The following ROBO2 variants were observed in gnomAD, a reference collection of about 807,000 sequenced individuals.
The protein encoded by ROBO2 is roundabout guidance receptor 2, also known as roundabout homolog 2.
Under a neutral mutation model 160.8 loss-of-function variants are expected in ROBO2, and 53 were observed. The observed-to-expected ratio is 0.33, with a 90% confidence interval of 0.26 to 0.41. ROBO2 has a LOEUF of 0.41. Among genes scored for constraint, ROBO2 ranks in the 10% least tolerant of loss-of-function variants. ROBO2 has a pLI of 1.00. For missense variants in ROBO2, 1,577 were observed against 1,722.4 expected (o/e 0.92, Z 1.49); for synonymous variants, 664 against 611.7 (o/e 1.09, Z -1.26).
intron 23 of ROBO2, among the ~76,000 whole-genome samples, chr3:77,628,571 A>T (rs1250498461): frequency 6.6e-6 from 1 of 152,060 alleles, no homozygotes; most frequent in African/African-American, 2.4e-5. Context: ...CATTTTAGCC[A>T]TTTTACAGAA....
intron 2 of ROBO2, among the ~76,000 whole-genome samples, chr3:77,286,150 A>G (rs552148663): frequency 3.3e-5 from 5 of 151,912 alleles, no homozygotes; most frequent in Admixed American, 2.0e-4. Flanking sequence ...CTTATACTCT[A>G]TTTCCATAAG....
chr3:77,145,116 A>G (rs2150470670), intron 2 of ROBO2, among the ~76,000 whole-genome samples: 1 of 152,302 alleles, frequency 6.6e-6, no homozygotes, highest in East Asian at 1.9e-4. Flanking sequence ...CCTGGTTTAC[A>G]GTTCAGAGTC....
chr3:76,489,767 A>G (rs765984769), intron 2 of ROBO2, among the ~76,000 whole-genome samples: 1 of 152,060 alleles, frequency 6.6e-6, no homozygotes, highest in Non-Finnish European at 1.5e-5. Context: ...AAAGTACATA[A>G]AGATATATGG....
intron 2 of ROBO2, among the ~76,000 whole-genome samples, chr3:76,075,984 ATTAC>A (rs150891398): frequency 0.028 from 4,211 of 152,304 alleles, 218 homozygotes; most frequent in African/African-American, 0.095. Flanking sequence ...CAAATTCTTT[ATTAC>A]TTAAGACATT....
At chr3:76,080,074 T>C (rs2068772527) in intron 2 of ROBO2, among the ~76,000 whole-genome samples, 1 of 152,152 alleles carries the variant, frequency 6.6e-6, no homozygotes, top group African/African-American at 2.4e-5. Context: ...GACACACTGA[T>C]TTCTCATGTT....
chr3:76,311,705 G>T (rs981977664), intron 2 of ROBO2, among the ~76,000 whole-genome samples: 2 of 152,172 alleles, frequency 1.3e-5, no homozygotes, highest in African/African-American at 4.8e-5. Flanking sequence ...AAGAATATAT[G>T]TGTTTTCCTT....
At chr3:77,544,546 A>C (rs2092619541) in intron 6 of ROBO2, among the ~76,000 whole-genome samples, 1 of 152,090 alleles carries the variant, frequency 6.6e-6, no homozygotes, top group African/African-American at 2.4e-5. Flanking sequence ...ATCCCAGGGA[A>C]TTGTCTGGAA....
intron 2 of ROBO2, among the ~76,000 whole-genome samples, chr3:76,933,583 A>T (rs1469578914): frequency 6.6e-6 from 1 of 152,184 alleles, no homozygotes; most frequent in East Asian, 1.9e-4. Flanking sequence ...CCTAATTTTC[A>T]TTAAATTTCA....
rs558157451 is a variant in ROBO2 at position 76,100,506 on chromosome 3, T to C, written c.109+162904T>C. On this transcript the variant is annotated intron_variant, in intron 2 of 26. Transcript: ENST00000487694. ...CTTTTGTTCATACAAAGATAGTAAATTTTACTTAAAAAGTATCATATTGAA... is the reference window on the plus strand; with the variant it reads ...CTTTTGTTCATACAAAGATAGTAAACTTTACTTAAAAAGTATCATATTGAA... Among the ~76,000 whole-genome samples the C allele has an allele frequency of 2.6e-5, 4 of 152,318 alleles. No individual in the cohort carries two copies. In the South Asian group the frequency reaches 8.3e-4, roughly 32 times the overall value.
chr3:76,137,256 T>G (rs537995895), intron 2 of ROBO2, among the ~76,000 whole-genome samples: 49 of 152,122 alleles, frequency 3.2e-4, no homozygotes, highest in Middle Eastern at 3.4e-3. Flanking sequence ...TGTATCGACT[T>G]TGGAAACAAA....
chr3:75,944,115 T>A (rs1459833020), intron 2 of ROBO2, among the ~76,000 whole-genome samples: 1 of 152,170 alleles, frequency 6.6e-6, no homozygotes, highest in Non-Finnish European at 1.5e-5. Flanking sequence ...AGGAATAGAA[T>A]GGCAGAAGGA....
intron 2 of ROBO2, among the ~76,000 whole-genome samples, chr3:76,619,295 G>A (rs1055859263): frequency 7.7e-4 from 115 of 150,076 alleles, no homozygotes; most frequent in African/African-American, 2.7e-3. Flanking sequence ...AGCCGAGATC[G>A]CGCCACTGCA....
chr3:77,555,042 C>G (rs2093060899), intron 8 of ROBO2, among the ~76,000 whole-genome samples: 1 of 151,950 alleles, frequency 6.6e-6, no homozygotes, highest in African/African-American at 2.4e-5. Context: ...TCTTCAGCAA[C>G]CACCACCCTG....
At chr3:77,487,593 T>C (rs1278215461) in intron 4 of ROBO2, among the ~76,000 whole-genome samples, 2 of 152,076 alleles carry the variant, frequency 1.3e-5, no homozygotes, top group Non-Finnish European at 2.9e-5. Context: ...ATTCAATGAC[T>C]ATCAAACCCA....
chr3:75,927,505 G>C (rs980249541), intron 1 of ROBO2, among the ~76,000 whole-genome samples: 1 of 152,154 alleles, frequency 6.6e-6, no homozygotes, highest in African/African-American at 2.4e-5. Context: ...CCAATTTTTG[G>C]ATTTCTTAAC....
chr3:77,120,455 C>A (rs769984629), intron 2 of ROBO2, among the ~76,000 whole-genome samples: 3 of 152,132 alleles, frequency 2.0e-5, no homozygotes, highest in Non-Finnish European at 2.9e-5. Flanking sequence ...TAAAACTGAT[C>A]ATATGTTAAT....
intron 2 of ROBO2, among the ~76,000 whole-genome samples, chr3:76,449,196 A>T (rs1361366989): frequency 1.3e-5 from 2 of 152,186 alleles, no homozygotes; most frequent in Non-Finnish European, 2.9e-5. Context: ...AACTATGTAT[A>T]AATGTTATAC....
intron 2 of ROBO2, among the ~76,000 whole-genome samples, chr3:76,603,626 T>C (rs1285480495): frequency 6.6e-6 from 1 of 151,864 alleles, no homozygotes; most frequent in Admixed American, 6.6e-5. Context: ...TTTATATACC[T>C]TTGCTATGGG....
intron 2 of ROBO2, among the ~76,000 whole-genome samples, chr3:77,414,657 G>A (rs1488663819): frequency 2.0e-5 from 3 of 152,210 alleles, no homozygotes; most frequent in African/African-American, 7.2e-5. Context: ...TCATTATTAT[G>A]AGAGAAGGGA....
Sources: gnomAD v4.1 joint callset for allele counts (sites outside exome capture counted in the v4.1 genomes callset) on GRCh38, gnomAD v4.1.1 for gene constraint, MANE v1.5 for transcripts, NCBI Gene and HGNC (gene_info 2026-07-23, HGNC 2026-07-21) for gene names.